FRA10AC1: variants seen among roughly 807,000 people sequenced by gnomAD.
FRA10AC1 encodes FRA10A associated CGG repeat 1, also known as protein FRA10AC1.
A neutral mutation model predicts 56.5 loss-of-function variants in FRA10AC1; 43 were observed. That is an observed-to-expected ratio of 0.76 (90% CI 0.60 to 0.98). The LOEUF is 0.98. Ranked by LOEUF, FRA10AC1 falls within the 50% of genes least tolerant of loss-of-function variation. The probability of loss-of-function intolerance (pLI) is 0.00; values close to 1 mark genes in which losing one functional copy is unlikely to be tolerated. For synonymous variants in FRA10AC1, 112 were observed against 110.5 expected (o/e 1.01, Z -0.09); for missense variants, 346 against 351.8 (o/e 0.98, Z 0.13).
Position 93,702,519 on chromosome 10 carries a change from A to ACCACCGCCG in FRA10AC1, c.-154_-146dup, listed in dbSNP as rs930387831. 7 of 159,560 alleles carry ACCACCGCCG rather than the reference A, an allele frequency of 4.4e-5. No homozygotes were observed. Among genetic ancestry groups the ACCACCGCCG allele is most frequent in the Non-Finnish European group, 8.4e-5 (7 of 83,788 alleles). 9.9% of individuals were successfully genotyped at this position (159,560 alleles called of 1,614,324 possible). On this transcript the variant is annotated 5_prime_UTR_variant, in exon 1 of 14. Coordinates refer to ENST00000359204, the MANE Select transcript of FRA10AC1 (RefSeq NM_145246.5). ...CCTGCCGCACAGCCTCGCCACAACCACCACCGCCGCCGCCGCCGCCGCCGC... is the reference window on the plus strand; with the variant it reads ...CCTGCCGCACAGCCTCGCCACAACCACCACCGCCGCCACCGCCGCCGCCGCCGCCGCCGC...
At chr10:93,672,245 C>G (rs888626312) in intron 12 of FRA10AC1, 2 of 245,422 alleles carry the variant, frequency 8.1e-6, no homozygotes, top group African/African-American at 4.7e-5. Flanking sequence ...CTGAACTTTG[C>G]TCCTAACTGA....
Position 93,677,383 on chromosome 10 carries a change from A to T in FRA10AC1, c.788-692T>A, listed in dbSNP as rs781653938. Among the ~76,000 whole-genome samples the T allele has an allele frequency of 2.0e-5, 3 of 152,206 alleles. No homozygotes were observed. The East Asian group carries it at 5.8e-4, about 29-fold the overall frequency. On this transcript the variant is annotated intron_variant, in intron 11 of 13. Coordinates refer to ENST00000359204, the MANE Select transcript of FRA10AC1 (RefSeq NM_145246.5). ...TCCTGGATAGGAGGCCTCGTAACCC[A>T]AAGTTTTTGGCCCCTTTAGACCAGA...
chr10:93,701,966 TA>T (rs936597986), intron 1 of FRA10AC1, among the ~76,000 whole-genome samples: 1 of 152,128 alleles, frequency 6.6e-6, no homozygotes, highest in African/African-American at 2.4e-5. Flanking sequence ...GAATGGAGAT[TA>T]AAAGAGTTGC....
intron 4 of FRA10AC1, among the ~76,000 whole-genome samples, chr10:93,697,734 G>A (rs1487812645): frequency 6.6e-6 from 1 of 152,026 alleles, no homozygotes; most frequent in Non-Finnish European, 1.5e-5. Context: ...GGGACAGACT[G>A]GATAGACCTA....
chr10:93,691,973 T>A, intron 7 of FRA10AC1, 36 bp downstream of exon 7: 1 of 1,548,124 alleles, frequency 6.5e-7, no homozygotes, highest in Non-Finnish European at 8.7e-7. Flanking sequence ...TTTACTTGAA[T>A]AAGAACCTCT....
intron 9 of FRA10AC1, 96 bp from the exon 10 acceptor site, chr10:93,684,194 T>C: frequency 1.1e-6 from 1 of 882,100 alleles, no homozygotes; most frequent in Non-Finnish European, 1.9e-6. Flanking sequence ...TTATATTCCA[T>C]TACTATAAGA....
Position 93,670,441 on chromosome 10 carries a change from T to C in FRA10AC1, c.905+329A>G, listed in dbSNP as rs1473775852. Among the ~76,000 whole-genome samples, 3 of 152,126 alleles carry C rather than the reference T, an allele frequency of 2.0e-5. No homozygotes were observed. In the East Asian group the frequency reaches 5.8e-4, roughly 29 times the overall value. The stretch of plus-strand genomic sequence containing the variant: ...AGAAGTGTACTTCCCATGCAAGGGA[T>C]TCCCTTGCATAGGTTTATGATAATC... On this transcript the variant is annotated intron_variant, in intron 13 of 13. Transcript: ENST00000359204.
At chr10:93,691,336 T>C (rs913048) in intron 7 of FRA10AC1, among the ~76,000 whole-genome samples, 100,759 of 151,878 alleles carry the variant, frequency 0.66, 34,177 homozygotes, top group Middle Eastern at 0.78. Context: ...CCACTGCACC[T>C]GGCTAATTTT....
At chr10:93,696,382 A>C (rs953338550) in intron 4 of FRA10AC1, among the ~76,000 whole-genome samples, 1 of 152,070 alleles carries the variant, frequency 6.6e-6, no homozygotes, top group African/African-American at 2.4e-5. Context: ...TAACTACTCT[A>C]CTCTTGTCAA....
intron 8 of FRA10AC1, among the ~76,000 whole-genome samples, chr10:93,686,593 GT>G (rs1350431956): frequency 3.3e-5 from 5 of 151,582 alleles, no homozygotes; most frequent in African/African-American, 1.2e-4. Flanking sequence ...CCTTAATGTT[GT>G]TTTATGGCAT....
At chr10:93,676,141 T>C (rs932796) in intron 12 of FRA10AC1, among the ~76,000 whole-genome samples, 61,762 of 152,082 alleles carry the variant, frequency 0.41, 14,677 homozygotes, top group Non-Finnish European at 0.52. Context: ...TCACCTGTAG[T>C]TTTACATTGC....
chr10:93,673,181 G>A (rs1785359021), intron 12 of FRA10AC1: 2 of 373,516 alleles, frequency 5.4e-6, no homozygotes, highest in Non-Finnish European at 1.0e-5. Context: ...TAAGGGACAA[G>A]TTTTTCCTTA....
intron 1 of FRA10AC1, among the ~76,000 whole-genome samples, chr10:93,701,695 T>A (rs949223977): frequency 6.6e-6 from 1 of 152,164 alleles, no homozygotes; most frequent in Non-Finnish European, 1.5e-5. Context: ...ACACCCTTTT[T>A]TAGGTCAACT....
At chr10:93,681,436 T>C (rs1430158453) in intron 11 of FRA10AC1, 44 bp downstream of exon 11, 3 of 1,205,510 alleles carry the variant, frequency 2.5e-6, no homozygotes, top group African/African-American at 3.2e-5. Flanking sequence ...TTATATTTCA[T>C]GCTCACAAAT....
chr10:93,697,202 T>C (rs2059247918), intron 4 of FRA10AC1, among the ~76,000 whole-genome samples: 1 of 152,138 alleles, frequency 6.6e-6, no homozygotes, highest in African/African-American at 2.4e-5. Flanking sequence ...CTCACCAGGC[T>C]ATAACTAGGT....
chr10:93,671,014 A>G, intron 12 of FRA10AC1, 166 bp from the exon 13 acceptor site: 1 of 552,158 alleles, frequency 1.8e-6, no homozygotes, highest in Non-Finnish European at 3.2e-6. Flanking sequence ...TAAAACATAT[A>G]TAAATAAGCC....
At chr10:93,694,751 C>G (rs1315497660) in intron 5 of FRA10AC1, 110 bp downstream of exon 5, 2 of 493,512 alleles carry the variant, frequency 4.1e-6, no homozygotes, top group Non-Finnish European at 7.2e-6. Context: ...AAAAGGCACA[C>G]CGGAATAGAA....
chr10:93,670,731 T>C (rs781435568), intron 13 of FRA10AC1, 39 bp downstream of exon 13: 7 of 1,301,752 alleles, frequency 5.4e-6, no homozygotes, highest in Non-Finnish European at 7.8e-6. Flanking sequence ...CCTAAACTGA[T>C]TGAAAAGGTA....
intron 7 of FRA10AC1, among the ~76,000 whole-genome samples, chr10:93,688,169 A>T (rs562821385): frequency 1.9e-4 from 29 of 152,326 alleles, no homozygotes; most frequent in African/African-American, 7.0e-4. Context: ...CAGACAATTA[A>T]TATTATTCAG....
Sources: allele counts gnomAD v4.1 joint callset (sites outside exome capture counted in the v4.1 genomes callset), GRCh38; gene constraint gnomAD v4.1.1; transcripts MANE v1.5; gene names NCBI Gene and HGNC (gene_info 2026-07-23, HGNC 2026-07-21).